Variants in OR3A3 observed in about 807,000 individuals in gnomAD.
OR3A3 encodes the protein olfactory receptor family 3 subfamily A member 3.
For synonymous variants in OR3A3, 103 were observed against 163.9 expected, an observed-to-expected ratio of 0.63 and a Z score of 2.84; for missense variants, 275 against 391.4, an observed-to-expected ratio of 0.70 and a Z score of 2.51.
Position 3,413,845 on chromosome 17 carries a change from C to CAAAAAAA in OR3A3, c.-7+1680_-7+1686dup, listed in dbSNP as rs34648972. Among the ~76,000 whole-genome samples, 73 of 143,186 alleles carry CAAAAAAA rather than the reference C, an allele frequency of 5.1e-4. 2 individuals are homozygous for CAAAAAAA. The highest frequency in any genetic ancestry group is 8.9e-4 in the South Asian group (4 of 4,474). The allele number at this position is 143,186 out of a possible 152,430, so 93.9% of individuals were successfully genotyped here. A position where few individuals can be genotyped will look rare whatever the true frequency, so the allele number is the denominator to read the frequency against. ...CAAAAAAAAACAAAAAAACAAAAAA[C>CAAAAAAA]AAAAAAAAAAAACTTTAAGGACCTC... On this transcript the variant is annotated intron_variant, in intron 2 of 2. Coordinates refer to ENST00000641141, the Ensembl canonical transcript of OR3A3.
At chr17:3,415,984 G>C (rs916081226) in intron 2 of OR3A3, among the ~76,000 whole-genome samples, 3 of 151,686 alleles carry the variant, frequency 2.0e-5, no homozygotes, top group African/African-American at 7.3e-5. Flanking sequence ...GCTAATTTTT[G>C]TATTTTTGAT....
At chr17:3,420,217 A>C (rs1597376291) in intron 2 of OR3A3, among the ~76,000 whole-genome samples, 2 of 152,230 alleles carry the variant, frequency 1.3e-5, no homozygotes, top group African/African-American at 4.8e-5. Context: ...AAATTAACAT[A>C]TCCATCATCT....
intron 2 of OR3A3, 91 bp from the exon 3 acceptor site, chr17:3,420,489 A>T: frequency 6.5e-7 from 1 of 1,547,508 alleles, no homozygotes. Context: ...TGGCCTGGGG[A>T]CTCGCCACGG....
chr17:3,419,074 T>C (rs2072409750), intron 2 of OR3A3, among the ~76,000 whole-genome samples: 1 of 152,178 alleles, frequency 6.6e-6, no homozygotes, highest in African/African-American at 2.4e-5. Context: ...GCTGACAATG[T>C]ACACAGAAAA....
chr17:3,419,556 T>C (rs1394345351), intron 2 of OR3A3, among the ~76,000 whole-genome samples: 3 of 152,178 alleles, frequency 2.0e-5, no homozygotes, highest in Non-Finnish European at 4.4e-5. Flanking sequence ...GTTGAAGGGA[T>C]GGCTATGTTA....
At position 3,412,486 on chromosome 17, in the gene OR3A3, C is replaced by T. The variant is rs567864306; in HGVS notation, c.-7+315C>T. On this transcript the variant is annotated intron_variant, in intron 2 of 2. Transcript: ENST00000641141. Reference sequence around the variant, plus strand: ...AGTCCTTGAGCCTCGTCATGTTGGGCGCGTGAGGGATGGGCTGGAGTTCCA... The same window carrying T: ...AGTCCTTGAGCCTCGTCATGTTGGGTGCGTGAGGGATGGGCTGGAGTTCCA... 2.7e-5 allele frequency among the ~76,000 whole-genome samples: 4 copies of T among 147,038 alleles called. No homozygotes were observed. The South Asian group carries it at 8.9e-4, about 33-fold the overall frequency.
exon 3 of OR3A3, chr17:3,421,540 A>C: frequency 6.6e-7 from 1 of 1,517,196 alleles, no homozygotes; most frequent in Non-Finnish European, 8.8e-7. Flanking sequence ...CTGAGAGATG[A>C]CCTCCTTTCC....
exon 3 of OR3A3, chr17:3,422,370 A>T (rs2072440647): frequency 1.3e-5 from 2 of 152,222 alleles, no homozygotes; most frequent in Non-Finnish European, 2.9e-5. Context: ...TATTTGATAA[A>T]TCATCTTCCT....
At chr17:3,416,535 A>C (rs1482692782) in intron 2 of OR3A3, among the ~76,000 whole-genome samples, 5 of 151,548 alleles carry the variant, frequency 3.3e-5, no homozygotes, top group African/African-American at 1.2e-4. Context: ...CATTTTACGG[A>C]GATGTTGCTT....
At chr17:3,419,594 G>T (rs1426290984) in intron 2 of OR3A3, among the ~76,000 whole-genome samples, 1 of 152,058 alleles carries the variant, frequency 6.6e-6, no homozygotes, top group South Asian at 2.1e-4. Context: ...ATTTTACAAA[G>T]CATATGCCAA....
chr17:3,416,153 T>C (rs1469104279), intron 2 of OR3A3, among the ~76,000 whole-genome samples: 1 of 152,130 alleles, frequency 6.6e-6, no homozygotes, highest in Non-Finnish European at 1.5e-5. Context: ...TACCTAACTA[T>C]TCCTATTTTA....
chr17:3,418,429 G>A (rs147389859), intron 2 of OR3A3, among the ~76,000 whole-genome samples: 5 of 152,294 alleles, frequency 3.3e-5, no homozygotes, highest in African/African-American at 1.2e-4. Context: ...CTGCTGACAA[G>A]GCAGTTTTCT....
At chr17:3,413,702 G>T (rs1373656705) in intron 2 of OR3A3, among the ~76,000 whole-genome samples, 1 of 151,746 alleles carries the variant, frequency 6.6e-6, no homozygotes, top group Non-Finnish European at 1.5e-5. Flanking sequence ...AGTCCCAGCT[G>T]CTCGGGAGGC....
exon 3 of OR3A3, chr17:3,421,086 C>T (rs771831767): frequency 1.1e-5 from 18 of 1,614,046 alleles, no homozygotes; most frequent in Middle Eastern, 3.3e-4. Flanking sequence ...TGGCCATGTC[C>T]ACGCTCAACT....
intron 2 of OR3A3, among the ~76,000 whole-genome samples, chr17:3,415,561 CAA>C (rs373566506): frequency 1.3e-4 from 14 of 110,712 alleles, no homozygotes; most frequent in Admixed American, 3.0e-4. Context: ...AACTCCAACT[CAA>C]AAAAAAAAAA....
chr17:3,421,410 G>T, exon 3 of OR3A3: 2 of 1,613,404 alleles, frequency 1.2e-6, no homozygotes, highest in Non-Finnish European at 8.5e-7. Context: ...ACAAGGATAA[G>T]GGGGTTGGGG....
chr17:3,421,147 T>C, exon 3 of OR3A3: 1 of 1,614,210 alleles, frequency 6.2e-7, no homozygotes, highest in East Asian at 2.2e-5. Context: ...CCCACAGCTC[T>C]TCCAGCTCTC....
chr17:3,419,502 G>C (rs1485125644), intron 2 of OR3A3, among the ~76,000 whole-genome samples: 1 of 152,056 alleles, frequency 6.6e-6, no homozygotes, highest in Non-Finnish European at 1.5e-5. Flanking sequence ...CATCCAGTTT[G>C]TATAAAAGGA....
chr17:3,412,932 G>A (rs1447309367), intron 2 of OR3A3, among the ~76,000 whole-genome samples: 4 of 152,146 alleles, frequency 2.6e-5, no homozygotes, highest in South Asian at 2.1e-4. Flanking sequence ...TAATGTGTCC[G>A]GAAAGTCTTC....
Sources: gnomAD v4.1 joint callset for allele counts (sites outside exome capture counted in the v4.1 genomes callset) on GRCh38, gnomAD v4.1.1 for gene constraint, MANE v1.5 for transcripts, NCBI Gene and HGNC (gene_info 2026-07-23, HGNC 2026-07-21) for gene names.